The following TP63 variants were observed in gnomAD, a reference collection of about 807,000 sequenced individuals.
TP63 encodes tumor protein p63, also known as tumor protein 63.
Under a neutral mutation model 82.8 loss-of-function variants are expected in TP63, and 17 were observed. The observed-to-expected ratio is 0.21, with a 90% CI of 0.14 to 0.31. The LOEUF is 0.31. Among genes scored for constraint, TP63 ranks in the 10% least tolerant of loss-of-function variants. The probability of loss-of-function intolerance (pLI) is 1.00; values close to 1 mark genes in which losing one functional copy is unlikely to be tolerated. For missense variants in TP63, 648 were observed against 895.3 expected (o/e 0.72, Z 3.52); for synonymous variants, 330 against 321.7 (o/e 1.03, Z -0.28).
intron 11 of TP63, 46 bp downstream of exon 11, chr3:189,886,597 G>C: frequency 6.2e-7 from 1 of 1,610,648 alleles, no homozygotes; most frequent in Non-Finnish European, 8.5e-7. Context: ...GAACAGGCTA[G>C]CTTAGGACAA....
intron 4 of TP63, among the ~76,000 whole-genome samples, chr3:189,863,464 C>G (rs970359490): frequency 6.6e-6 from 1 of 152,152 alleles, no homozygotes; most frequent in South Asian, 2.1e-4. Context: ...TTACAAGCAA[C>G]TAACCACCAC....
At chr3:189,744,982 CA>C (rs767113477) in intron 3 of TP63, among the ~76,000 whole-genome samples, 11 of 152,198 alleles carry the variant, frequency 7.2e-5, no homozygotes, top group Admixed American at 4.6e-4. Context: ...CCCTAAGCCA[CA>C]AGGGAAATCA....
chr3:189,869,307 C>T lies in TP63; in HGVS notation c.1130-17C>T, dbSNP rs770730125. The T allele has an allele frequency of 4.7e-5, 75 of 1,612,770 alleles. 1 individual carries two copies. The highest frequency in any genetic ancestry group is 5.7e-5 in the Non-Finnish European group (67 of 1,178,938). ...AGAAGTGTTCCCAGGATGAAACTTG[C>T]ATTTTTCCTCCACCAGCGTTTCGTC... On this transcript the variant is annotated splice_polypyrimidine_tract_variant and intron_variant, in intron 8 of 13. Coordinates refer to ENST00000264731, the MANE Select transcript of TP63 (RefSeq NM_003722.5).
intron 3 of TP63, among the ~76,000 whole-genome samples, chr3:189,771,303 T>A (rs1475599015): frequency 8.9e-6 from 1 of 112,930 alleles, no homozygotes; most frequent in Non-Finnish European, 1.8e-5. Flanking sequence ...ATTATATTTA[T>A]ATATATAATA....
upstream of TP63, among the ~76,000 whole-genome samples, chr3:189,628,897 G>A (rs986341337): frequency 6.6e-6 from 1 of 151,916 alleles, no homozygotes; most frequent in Admixed American, 6.6e-5. Flanking sequence ...GTCAACTCTC[G>A]CCATTTATTT....
chr3:189,739,821 A>C (rs1338659901), intron 3 of TP63, among the ~76,000 whole-genome samples: 1 of 150,968 alleles, frequency 6.6e-6, no homozygotes, highest in African/African-American at 2.4e-5. Flanking sequence ...TTTACGGCAC[A>C]AGTCCTGCTA....
intron 3 of TP63, among the ~76,000 whole-genome samples, chr3:189,804,087 G>A (rs1455945957): frequency 6.6e-6 from 1 of 152,142 alleles, no homozygotes; most frequent in Non-Finnish European, 1.5e-5. Flanking sequence ...TGGGACATGG[G>A]GGCTCTATGG....
intron 1 of TP63, among the ~76,000 whole-genome samples, chr3:189,696,707 A>G (rs1275548188): frequency 6.6e-6 from 1 of 152,078 alleles, no homozygotes; most frequent in East Asian, 1.9e-4. Context: ...TTCACCAGCA[A>G]TTGCTTGGCA....
the TP63 span, among the ~76,000 whole-genome samples, chr3:189,603,384 C>G: frequency 1.3e-5 from 2 of 151,966 alleles, no homozygotes; most frequent in Non-Finnish European, 2.9e-5. Flanking sequence ...TTTTCTTCTT[C>G]TCCTTATCCT....
At chr3:189,722,513 C>G (rs1719466884) in intron 1 of TP63, among the ~76,000 whole-genome samples, 2 of 152,190 alleles carry the variant, frequency 1.3e-5, no homozygotes, top group South Asian at 2.1e-4. Context: ...GAATCCCAAA[C>G]AGGGGCAGGG....
At chr3:189,689,305 G>A (rs1436301823) in intron 1 of TP63, among the ~76,000 whole-genome samples, 1 of 151,372 alleles carries the variant, frequency 6.6e-6, no homozygotes, top group Non-Finnish European at 1.5e-5. Context: ...TAGTAGAGAT[G>A]GGGTTGCATC....
intron 1 of TP63, among the ~76,000 whole-genome samples, chr3:189,728,547 A>G (rs1260463611): frequency 6.6e-6 from 1 of 152,216 alleles, no homozygotes; most frequent in Non-Finnish European, 1.5e-5. Context: ...GGGCTCAAGG[A>G]TGAAAACAAC....
At chr3:189,881,617 T>G in intron 10 of TP63, 7 of 752,912 alleles carry the variant, frequency 9.3e-6, no homozygotes, top group Non-Finnish European at 1.1e-5. Context: ...AATAGAATCA[T>G]CACTTTGTTC....
At chr3:189,738,503 C>G in intron 2 of TP63, 139 bp from the exon 3 acceptor site, 1 of 1,277,222 alleles carries the variant, frequency 7.8e-7, no homozygotes, top group Non-Finnish European at 1.1e-6. Flanking sequence ...AGCCAGGACT[C>G]AAACCTAGAG....
intron 1 of TP63, among the ~76,000 whole-genome samples, chr3:189,693,119 C>T (rs116835198): frequency 0.015 from 2,346 of 152,226 alleles, 20 homozygotes; most frequent in Middle Eastern, 0.044. Context: ...GCATCTACTC[C>T]GTTATGTGGC....
chr3:189,822,207 A>C (rs1206551985), intron 4 of TP63, among the ~76,000 whole-genome samples: 1 of 152,226 alleles, frequency 6.6e-6, no homozygotes, highest in African/African-American at 2.4e-5. Flanking sequence ...AATTTCTATT[A>C]GGATGGATCA....
intron 8 of TP63, 36 bp downstream of exon 8, chr3:189,868,752 A>G (rs1176723700): frequency 6.2e-7 from 1 of 1,613,442 alleles, no homozygotes; most frequent in Admixed American, 1.7e-5. Flanking sequence ...GGTAGGGTTG[A>G]ATCTTCTCCA....
chr3:189,602,429 G>C, the TP63 span, among the ~76,000 whole-genome samples: 3 of 152,166 alleles, frequency 2.0e-5, no homozygotes, highest in Non-Finnish European at 4.4e-5. Context: ...CATATGTGTT[G>C]AAGAAAGAGT....
chr3:189,864,541 CTTTTTTTTTTTTTTT>C lies in TP63; in HGVS notation c.766+133_766+147del, dbSNP rs10714778. The C allele has an allele frequency of 8.4e-4, 180 of 215,530 alleles. 1 individual carries two copies. Among genetic ancestry groups the C allele is most frequent in the African/African-American group, 7.7e-3 (162 of 21,038 alleles). 13.4% of individuals were successfully genotyped at this position (215,530 alleles called of 1,614,324 possible). On this transcript the variant is annotated intron_variant, in intron 5 of 13. Transcript: ENST00000264731. ...GCACTCCGATGGCAGATCAGTCTGC[CTTTTTTTTTTTTTTT>C]TTTTTTTTTGGCTGACAGTATCTAA...
Sources: allele counts gnomAD v4.1 joint callset (sites outside exome capture counted in the v4.1 genomes callset), GRCh38; gene constraint gnomAD v4.1.1; transcripts MANE v1.5; gene names NCBI Gene and HGNC (gene_info 2026-07-23, HGNC 2026-07-21).